The following THAP4 variants were observed in gnomAD, a reference collection of about 807,000 sequenced individuals.
THAP4 encodes the protein THAP domain containing 4.
THAP4 carries 18 observed loss-of-function variants against 48.1 expected under a neutral mutation model. The ratio of observed to expected loss-of-function variants is 0.37; its 90% CI spans 0.26 to 0.56. The LOEUF is 0.56. Ranked by LOEUF, THAP4 falls within the 20% of genes least tolerant of loss-of-function variation. The pLI, the probability that THAP4 is intolerant of heterozygous loss-of-function variation, is 0.78. For missense variants in THAP4, 656 were observed against 774.9 expected, an observed-to-expected ratio of 0.85 and a Z score of 1.82; for synonymous variants, 345 against 324.9, an observed-to-expected ratio of 1.06 and a Z score of -0.66.
rs1056283078 is a variant in THAP4, at chr2:241,616,346, C to T, written c.1241-9873G>A. On this transcript the variant is annotated intron_variant, in intron 2 of 5. Coordinates refer to ENST00000407315, the MANE Select transcript of THAP4 (RefSeq NM_015963.6). The surrounding 1 kb of genome is among the most constrained non-coding windows in gnomAD (Gnocchi z 4.6). ...CATCAGTGAGAAGGGCGGGTGCAGGCGCACGAGAGCTGAGGGCGAGCCCTG... is the reference window on the plus strand; with the variant it reads ...CATCAGTGAGAAGGGCGGGTGCAGGTGCACGAGAGCTGAGGGCGAGCCCTG... Among the ~76,000 whole-genome samples, 3 of 152,116 alleles carry T rather than the reference C, an allele frequency of 2.0e-5. No homozygotes were observed. Among genetic ancestry groups the T allele is most frequent in the African/African-American group, 4.8e-5 (2 of 41,430 alleles).
rs141639239 is a variant in THAP4 at position 241,608,802 on chromosome 2, G to A, written c.1241-2329C>T. ...GCAGAAAGGGAGACAGGGCTGTTGG[G>A]GCACTGTGAAAACCTACCCAAAAGG... On this transcript the variant is annotated intron_variant, in intron 2 of 5. Coordinates refer to ENST00000407315, the MANE Select transcript of THAP4 (RefSeq NM_015963.6). 3.8e-3 allele frequency among the ~76,000 whole-genome samples: 579 copies of A among 152,330 alleles called. 1 individual carries two copies. The highest frequency in any genetic ancestry group is 0.013 in the African/African-American group (544 of 41,568).
At chr2:241,607,900 A>T (rs4675919) in intron 2 of THAP4, among the ~76,000 whole-genome samples, 1 of 107,068 alleles carries the variant, frequency 9.3e-6, no homozygotes, top group Non-Finnish European at 1.9e-5. Flanking sequence ...AGCAGAAGAC[A>T]GCTGACGGGG....
intron 2 of THAP4, among the ~76,000 whole-genome samples, chr2:241,621,362 A>G (rs1306758607): frequency 6.6e-6 from 1 of 152,200 alleles, no homozygotes; most frequent in African/African-American, 2.4e-5. Context: ...TAATAGTAAT[A>G]ATAATAAAAT....
intron 5 of THAP4, among the ~76,000 whole-genome samples, chr2:241,597,170 G>A (rs62193006): frequency 0.33 from 50,391 of 151,858 alleles, 8,719 homozygotes; most frequent in South Asian, 0.46. Context: ...CGCTCTTGTC[G>A]CCCAGGCTGG....
chr2:241,633,493 T>A lies in THAP4; in HGVS notation c.664A>T (p.Thr222Ser). 1 of 1,613,946 alleles carries A rather than the reference T, an allele frequency of 6.2e-7. No individual in the cohort carries two copies. Among genetic ancestry groups the A allele is most frequent in the Non-Finnish European group, 8.5e-7 (1 of 1,179,978 alleles). Residue 222 changes from threonine (T) to serine (S), a missense_variant, in exon 2 of 6, where the codon ACG becomes TCG. Around this residue, in one of 4 missense-constraint regions of THAP4, gnomAD observed 391 missense variants for 412.4 expected, o/e 0.95. Coordinates refer to ENST00000407315, the MANE Select transcript of THAP4 (RefSeq NM_015963.6). This position sits in a 1 kb window ranked among gnomAD's most constrained non-coding sequence, Gnocchi z 7.5. ...DKSGISMDDFTPPGSGACKFI... is the reference protein window; with the variant it reads ...DKSGISMDDFSPPGSGACKFI... ...TTGCACGCCCCAGATCCTGGGGGCG[T>A]AAAGTCATCCATAGAAATGCCACTC...
At chr2:241,606,267 A>G (rs901240419) in intron 3 of THAP4, 47 bp downstream of exon 3, 2 of 1,494,900 alleles carry the variant, frequency 1.3e-6, no homozygotes, top group Admixed American at 4.3e-5. Context: ...TCAGAGACCT[A>G]GGCGGCCCAT....
rs947659138 is a variant in THAP4 at position 241,606,456 on chromosome 2, G to A, written c.1258C>T (p.Pro420Ser). 44 of 1,606,466 alleles carry A rather than the reference G, an allele frequency of 2.7e-5. No homozygotes were observed. The highest frequency in any genetic ancestry group is 8.5e-7 in the Non-Finnish European group (1 of 1,176,546). Residue 420 changes from proline (P) to serine (S), a missense_variant, in exon 3 of 6, where the codon CCA becomes TCA. By Grantham distance (74) the Pro-to-Ser change is moderately conservative (BLOSUM62 -1). Transcript: ENST00000407315. ...SPSREPPKMN[P>S]VVEPLSWMLG... ...ATCCAGGACAGTGGCTCCACCACTGGGTTCATCTTGGGGGGCTCTGAGGAC... is the reference window on the plus strand; with the variant it reads ...ATCCAGGACAGTGGCTCCACCACTGAGTTCATCTTGGGGGGCTCTGAGGAC...
At position 241,612,785 on chromosome 2, in the gene THAP4, CA is replaced by C. The variant is rs2125085283; in HGVS notation, c.1241-6313del. Reference sequence around the variant, plus strand: ...GTTCTGTGGCAGAAGACGCTAGAGTCACACGTAGAAGGCGCATGAGGAGGGA... The same window carrying C: ...GTTCTGTGGCAGAAGACGCTAGAGTCCACGTAGAAGGCGCATGAGGAGGGA... On this transcript the variant is annotated intron_variant, in intron 2 of 5. Coordinates refer to ENST00000407315, the MANE Select transcript of THAP4 (RefSeq NM_015963.6). The surrounding 1 kb of genome is among the most constrained non-coding windows in gnomAD (Gnocchi z 4.1). Among the ~76,000 whole-genome samples the C allele has an allele frequency of 6.6e-6, 1 of 152,274 alleles. No individual in the cohort carries two copies. The highest frequency in any genetic ancestry group is 2.1e-4 in the South Asian group (1 of 4,798).
At chr2:241,635,653 C>T (rs1460425952) in intron 1 of THAP4, among the ~76,000 whole-genome samples, 1 of 152,034 alleles carries the variant, frequency 6.6e-6, no homozygotes, top group African/African-American at 2.4e-5. Flanking sequence ...GCCTGTAATC[C>T]CAGCTACTTG....
At chr2:241,602,156 G>A in intron 4 of THAP4, 157 bp from the exon 5 acceptor site, 1 of 688,276 alleles carries the variant, frequency 1.5e-6, no homozygotes, top group Non-Finnish European at 2.4e-6. Context: ...TCACCCTGTG[G>A]ATACGGAGGG....
chr2:241,637,292 G>A, upstream of THAP4: 1 of 1,129,130 alleles, frequency 8.9e-7, no homozygotes, highest in South Asian at 1.8e-5. Flanking sequence ...CAGGCGGGCA[G>A]ACGGGCGGGG....
At chr2:241,585,885 C>T (rs1396078823) in intron 5 of THAP4, among the ~76,000 whole-genome samples, 4 of 135,878 alleles carry the variant, frequency 2.9e-5, no homozygotes, top group East Asian at 4.5e-4. Context: ...TGCACTTCAG[C>T]CTGGGTGACA....
In THAP4 at chr2:241,616,401, G is replaced by A. The variant is rs2067348374; in HGVS notation, c.1241-9928C>T. Among the ~76,000 whole-genome samples, 2 of 152,240 alleles carry A rather than the reference G, an allele frequency of 1.3e-5. No homozygotes were observed. The highest frequency in any genetic ancestry group is 4.8e-5 in the African/African-American group (2 of 41,462). On this transcript the variant is annotated intron_variant, in intron 2 of 5. Transcript: ENST00000407315. The surrounding 1 kb of genome is among the most constrained non-coding windows in gnomAD (Gnocchi z 4.6). ...CAGGACCAGAGAGGCCCACCACAGAGCGGGTAAGCAGTGGCACCTGAGCAG... is the reference window on the plus strand; with the variant it reads ...CAGGACCAGAGAGGCCCACCACAGAACGGGTAAGCAGTGGCACCTGAGCAG...
At chr2:241,602,198 G>A (rs2067123307) in intron 4 of THAP4, 199 bp from the exon 5 acceptor site, 1 of 605,532 alleles carries the variant, frequency 1.7e-6, no homozygotes, top group Non-Finnish European at 2.9e-6. Flanking sequence ...GAACAGGCAG[G>A]TGCTCTATGG....
intron 2 of THAP4, among the ~76,000 whole-genome samples, chr2:241,629,110 G>T (rs936256466): frequency 1.3e-5 from 2 of 152,060 alleles, no homozygotes; most frequent in African/African-American, 4.8e-5. Context: ...ACCTAGGGAA[G>T]GTGGCACACA....
At chr2:241,637,568 C>A, upstream of THAP4, 1 of 1,500,114 alleles carries the variant, frequency 6.7e-7, no homozygotes, top group East Asian at 2.8e-5. Flanking sequence ...AAAATGGCGG[C>A]TCCCGCGTAT....
chr2:241,617,677 G>C (rs1166264623), intron 2 of THAP4, among the ~76,000 whole-genome samples: 1 of 152,158 alleles, frequency 6.6e-6, no homozygotes, highest in Non-Finnish European at 1.5e-5. Flanking sequence ...AAGAGGGACT[G>C]GCCAGAGGTC....
chr2:241,607,836 G>C (rs540687720), intron 2 of THAP4, among the ~76,000 whole-genome samples: 2 of 128,044 alleles, frequency 1.6e-5, no homozygotes, highest in African/African-American at 6.1e-5. Flanking sequence ...GCAGAAGACG[G>C]ACTGATGGGG....
intron 2 of THAP4, among the ~76,000 whole-genome samples, chr2:241,614,961 T>C (rs2067319741): frequency 6.6e-6 from 1 of 152,172 alleles, no homozygotes; most frequent in Non-Finnish European, 1.5e-5. Flanking sequence ...GGAACAGTCA[T>C]GCAAACTGGC....
Sources: gnomAD v4.1 joint callset for allele counts (sites outside exome capture counted in the v4.1 genomes callset) on GRCh38, gnomAD v4.1.1 for gene constraint, gnomAD v4.1.1 regional missense constraint, Gnocchi (gnomAD v3.1) non-coding constraint, MANE v1.5 for transcripts, NCBI Gene and HGNC (gene_info 2026-07-23, HGNC 2026-07-21) for gene names.